SLC35F2: variants seen among roughly 807,000 people sequenced by gnomAD.
SLC35F2 encodes solute carrier family 35 member F2.
A neutral mutation model predicts 38.1 loss-of-function variants in SLC35F2; 25 were observed. The observed-to-expected ratio is 0.66, with a 90% CI of 0.48 to 0.92. The LOEUF (loss-of-function observed/expected upper bound fraction) is 0.92, where lower values mean the gene tolerates loss of function less well. SLC35F2 is among the 40% of genes least tolerant of loss of function. The probability of loss-of-function intolerance (pLI) is 0.00; values close to 1 mark genes in which losing one functional copy is unlikely to be tolerated. For synonymous variants in SLC35F2, 173 were observed against 181.7 expected, an observed-to-expected ratio of 0.95 and a Z score of 0.38; for missense variants, 409 against 452.9, an observed-to-expected ratio of 0.90 and a Z score of 0.88.
chr11:107,814,042 T>C (rs1047400949), intron 2 of SLC35F2, among the ~76,000 whole-genome samples: 1 of 152,164 alleles, frequency 6.6e-6, no homozygotes, highest in Non-Finnish European at 1.5e-5. Flanking sequence ...GTGTGCACAG[T>C]GCTGTCCTTG....
intron 1 of SLC35F2, among the ~76,000 whole-genome samples, chr11:107,827,574 C>T (rs1485793540): frequency 6.6e-6 from 1 of 152,062 alleles, no homozygotes; most frequent in Non-Finnish European, 1.5e-5. Flanking sequence ...CATGGCGAAA[C>T]CCCATCTCTA....
chr11:107,826,047 G>C (rs1187990932), intron 1 of SLC35F2, among the ~76,000 whole-genome samples: 1 of 151,982 alleles, frequency 6.6e-6, no homozygotes, highest in African/African-American at 2.4e-5. Flanking sequence ...ATTTATACTA[G>C]CAAAAGACTA....
At chr11:107,848,870 C>A (rs901912193) in intron 1 of SLC35F2, among the ~76,000 whole-genome samples, 1 of 152,190 alleles carries the variant, frequency 6.6e-6, no homozygotes, top group Non-Finnish European at 1.5e-5. Context: ...CTCCGGTTTG[C>A]AAACCACTAG....
chr11:107,810,960 A>G (rs1859471017), intron 3 of SLC35F2: 1 of 977,562 alleles, frequency 1.0e-6, no homozygotes, highest in Non-Finnish European at 1.2e-6. Context: ...TTTATTATTT[A>G]AAAAAATGAA....
intron 1 of SLC35F2, among the ~76,000 whole-genome samples, chr11:107,823,368 G>A (rs1470520621): frequency 1.3e-5 from 2 of 152,162 alleles, no homozygotes; most frequent in Non-Finnish European, 2.9e-5. Flanking sequence ...TAGGTTGCAT[G>A]TTGTCAGCTA....
chr11:107,838,092 A>G (rs1268051900), intron 1 of SLC35F2, among the ~76,000 whole-genome samples: 3 of 152,142 alleles, frequency 2.0e-5, no homozygotes, highest in Non-Finnish European at 4.4e-5. Flanking sequence ...GGAGGCACAG[A>G]GATGTTAAGT....
chr11:107,847,633 A>C (rs1381288901), intron 1 of SLC35F2, among the ~76,000 whole-genome samples: 1 of 152,208 alleles, frequency 6.6e-6, no homozygotes, highest in African/African-American at 2.4e-5. Flanking sequence ...AATTATACTT[A>C]ACATTACAAT....
intron 4 of SLC35F2, among the ~76,000 whole-genome samples, chr11:107,806,339 G>A (rs529114023): frequency 6.6e-6 from 1 of 152,332 alleles, no homozygotes; most frequent in South Asian, 2.1e-4. Context: ...TAACTCACTT[G>A]TAGACTGGGT....
intron 2 of SLC35F2, 129 bp from the exon 3 acceptor site, chr11:107,811,923 A>T (rs913840826): frequency 6.1e-5 from 51 of 840,998 alleles, no homozygotes; most frequent in Admixed American, 5.6e-4. Context: ...TCTTTTTGAG[A>T]TAGGGTCTCA....
intron 1 of SLC35F2, among the ~76,000 whole-genome samples, chr11:107,841,288 T>C (rs2134842469): frequency 6.6e-6 from 1 of 152,132 alleles, no homozygotes. Flanking sequence ...GCCGGCCGGG[T>C]GTGGCAGCTC....
chr11:107,818,901 G>T (rs994915937), intron 1 of SLC35F2, among the ~76,000 whole-genome samples: 8 of 152,308 alleles, frequency 5.3e-5, no homozygotes, highest in African/African-American at 1.9e-4. Flanking sequence ...AGCACTTTGG[G>T]AAGCTGAGGA....
At chr11:107,858,381 T>G (rs1479565300) in intron 1 of SLC35F2, 6 of 253,506 alleles carry the variant, frequency 2.4e-5, no homozygotes, top group Non-Finnish European at 2.8e-5. Flanking sequence ...AGGACCGACC[T>G]AATAGTGCCA....
intron 1 of SLC35F2, among the ~76,000 whole-genome samples, chr11:107,856,786 T>C (rs1591215133): frequency 8.1e-6 from 1 of 122,792 alleles, no homozygotes; most frequent in Non-Finnish European, 1.7e-5. Flanking sequence ...AGAAGTTAAG[T>C]GACTTGTCCA....
chr11:107,818,246 C>T (rs941939828), intron 1 of SLC35F2, among the ~76,000 whole-genome samples: 9 of 151,776 alleles, frequency 5.9e-5, no homozygotes, highest in African/African-American at 9.7e-5. Flanking sequence ...AGCTCGGCAA[C>T]ATGCCAAAAC....
chr11:107,810,813 C>G, intron 3 of SLC35F2: 2 of 977,704 alleles, frequency 2.0e-6, no homozygotes, highest in Non-Finnish European at 2.4e-6. Flanking sequence ...ATTTTCTATG[C>G]GAAATAAGTC....
chr11:107,840,604 T>C (rs1422594789), intron 1 of SLC35F2: 1 of 152,226 alleles, frequency 6.6e-6, no homozygotes, highest in Non-Finnish European at 1.5e-5. Flanking sequence ...CAGATGAAGA[T>C]AATCAACTGG....
At chr11:107,804,334 G>A (rs537222278) in intron 6 of SLC35F2, among the ~76,000 whole-genome samples, 1 of 152,172 alleles carries the variant, frequency 6.6e-6, no homozygotes, top group East Asian at 1.9e-4. Context: ...AGCAATGGGA[G>A]GTGAGGGAGA....
intron 1 of SLC35F2, chr11:107,823,188 C>T: frequency 1.0e-6 from 1 of 985,334 alleles, no homozygotes. Flanking sequence ...CAAGTATCAG[C>T]CTATTTTAAG....
At chr11:107,845,220 C>A (rs1028399065) in intron 1 of SLC35F2, among the ~76,000 whole-genome samples, 1 of 152,178 alleles carries the variant, frequency 6.6e-6, no homozygotes, top group Non-Finnish European at 1.5e-5. Flanking sequence ...CAGCACAACA[C>A]CATCCTCCTT....
Sources: allele counts gnomAD v4.1 joint callset (sites outside exome capture counted in the v4.1 genomes callset), GRCh38; gene constraint gnomAD v4.1.1; transcripts MANE v1.5; gene names NCBI Gene and HGNC (gene_info 2026-07-23, HGNC 2026-07-21).